The following ZHX2 variants were observed in gnomAD, a reference collection of about 807,000 sequenced individuals.
ZHX2 encodes the protein zinc fingers and homeoboxes protein 2.
In ZHX2, 6 loss-of-function variants were observed where a neutral mutation model predicts 21.9. The observed-to-expected ratio is 0.27, with a 90% CI of 0.15 to 0.54. ZHX2 has a LOEUF of 0.54. ZHX2 is among the 20% of genes least tolerant of loss of function. The pLI is 0.95. For missense variants in ZHX2, 908 were observed against 1,090.7 expected (o/e 0.83, Z 2.36); for synonymous variants, 434 against 437.1 (o/e 0.99, Z 0.09).
chr8:122,829,260 T>A (rs1308559785), intron 1 of ZHX2, among the ~76,000 whole-genome samples: 1 of 152,240 alleles, frequency 6.6e-6, no homozygotes, highest in Non-Finnish European at 1.5e-5. Flanking sequence ...TAATCACAGC[T>A]AAACTAAACT....
At chr8:122,910,845 G>A (rs1820462377) in intron 2 of ZHX2, among the ~76,000 whole-genome samples, 1 of 152,120 alleles carries the variant, frequency 6.6e-6, no homozygotes, top group South Asian at 2.1e-4. Flanking sequence ...ATCCCGTCAA[G>A]ACCTCACTTA....
At chr8:122,943,979 G>T (rs1421799681) in intron 2 of ZHX2, among the ~76,000 whole-genome samples, 1 of 152,068 alleles carries the variant, frequency 6.6e-6, no homozygotes, top group African/African-American at 2.4e-5. Context: ...TCACACCCCT[G>T]CCCCTTACCC....
intron 2 of ZHX2, among the ~76,000 whole-genome samples, chr8:122,864,810 G>A (rs997619271): frequency 6.6e-6 from 1 of 152,178 alleles, no homozygotes; most frequent in Non-Finnish European, 1.5e-5. Flanking sequence ...AGACACAAAT[G>A]GGGAAGTTAC....
intron 2 of ZHX2, among the ~76,000 whole-genome samples, chr8:122,885,832 TGAA>T (rs1819828129): frequency 6.6e-6 from 1 of 152,176 alleles, no homozygotes; most frequent in East Asian, 1.9e-4. Context: ...GTAATTCTTT[TGAA>T]GCCTCCTGCA....
At chr8:122,792,228 G>A (rs1421654840) in intron 1 of ZHX2, among the ~76,000 whole-genome samples, 1 of 152,154 alleles carries the variant, frequency 6.6e-6, no homozygotes, top group Non-Finnish European at 1.5e-5. Flanking sequence ...ATTTTATATA[G>A]GTGAAATCAT....
chr8:122,938,126 G>A (rs1055118440), intron 2 of ZHX2, among the ~76,000 whole-genome samples: 8 of 149,636 alleles, frequency 5.3e-5, no homozygotes, highest in African/African-American at 2.0e-4. Context: ...GTAGAGACAG[G>A]GTTTCATCAT....
intron 1 of ZHX2, among the ~76,000 whole-genome samples, chr8:122,789,615 G>A (rs1241398838): frequency 6.6e-6 from 1 of 152,230 alleles, no homozygotes; most frequent in Non-Finnish European, 1.5e-5. Context: ...GGCGGTGATG[G>A]GGTGTGCCTT....
At chr8:122,849,176 G>A (rs960125638) in intron 1 of ZHX2, among the ~76,000 whole-genome samples, 4 of 152,194 alleles carry the variant, frequency 2.6e-5, no homozygotes, top group African/African-American at 7.2e-5. Context: ...GCCCAAGAGA[G>A]CCTGGCACTG....
At chr8:122,961,867 G>GCT (rs1813458822) in intron 3 of ZHX2, among the ~76,000 whole-genome samples, 2 of 152,184 alleles carry the variant, frequency 1.3e-5, no homozygotes, top group Non-Finnish European at 2.9e-5. Flanking sequence ...TCTAGCATTA[G>GCT]TACCAATAGA....
At chr8:122,877,107 G>A (rs1184472411) in intron 2 of ZHX2, among the ~76,000 whole-genome samples, 1 of 152,050 alleles carries the variant, frequency 6.6e-6, no homozygotes, top group African/African-American at 2.4e-5. Context: ...AGAGAGGATG[G>A]CAATGGCAGT....
At chr8:122,896,225 C>CTT (rs67928380) in intron 2 of ZHX2, among the ~76,000 whole-genome samples, 7 of 143,050 alleles carry the variant, frequency 4.9e-5, no homozygotes, top group African/African-American at 7.6e-5. Context: ...TACTAGGACT[C>CTT]TTTTTTTTTT....
At chr8:122,967,347 G>A (rs1010216833) in intron 3 of ZHX2, among the ~76,000 whole-genome samples, 1 of 152,204 alleles carries the variant, frequency 6.6e-6, no homozygotes, top group Non-Finnish European at 1.5e-5. Flanking sequence ...GTGATCCCTT[G>A]ATGTGTTGCT....
intron 1 of ZHX2, among the ~76,000 whole-genome samples, chr8:122,800,470 T>G (rs16897454): frequency 6.6e-6 from 1 of 152,162 alleles, no homozygotes; most frequent in African/African-American, 2.4e-5. Context: ...CTGGACAGCA[T>G]AGTGGAGCCC....
At chr8:122,934,743 C>T (rs983565883) in intron 2 of ZHX2, among the ~76,000 whole-genome samples, 17 of 152,018 alleles carry the variant, frequency 1.1e-4, no homozygotes, top group Non-Finnish European at 2.9e-5. Flanking sequence ...AGGCTGGGTG[C>T]AATGGCACAA....
At chr8:122,911,578 G>C (rs1168235722) in intron 2 of ZHX2, among the ~76,000 whole-genome samples, 1 of 152,214 alleles carries the variant, frequency 6.6e-6, no homozygotes, top group East Asian at 1.9e-4. Flanking sequence ...AATATTAGTG[G>C]GACTATTTTC....
chr8:122,911,436 C>T (rs1224982172), intron 2 of ZHX2, among the ~76,000 whole-genome samples: 1 of 152,148 alleles, frequency 6.6e-6, no homozygotes, highest in African/African-American at 2.4e-5. Flanking sequence ...TCTCTCCTCC[C>T]CTCTACTTTC....
chr8:122,798,382 A>T (rs1307271044), intron 1 of ZHX2, among the ~76,000 whole-genome samples: 28 of 152,284 alleles, frequency 1.8e-4, no homozygotes, highest in Non-Finnish European at 8.8e-5. Context: ...CCTGATTTTT[A>T]AAAATATCAT....
chr8:122,836,772 A>T (rs779901635), intron 1 of ZHX2, among the ~76,000 whole-genome samples: 13 of 152,204 alleles, frequency 8.5e-5, no homozygotes, highest in Non-Finnish European at 1.5e-4. Flanking sequence ...TTGCTGGCCC[A>T]CACTGCTGGC....
chr8:122,930,398 C>T (rs887354149), intron 2 of ZHX2, among the ~76,000 whole-genome samples: 5 of 152,174 alleles, frequency 3.3e-5, no homozygotes, highest in African/African-American at 1.2e-4. Context: ...GGACAGCCCC[C>T]ACAGGTTCTT....
Sources: allele counts gnomAD v4.1 joint callset (sites outside exome capture counted in the v4.1 genomes callset), GRCh38; gene constraint gnomAD v4.1.1; transcripts MANE v1.5; gene names NCBI Gene and HGNC (gene_info 2026-07-23, HGNC 2026-07-21).